Variants in GALNT17 observed in about 807,000 individuals in gnomAD.
GALNT17 encodes the protein polypeptide N-acetylgalactosaminyltransferase 17, also known as UDP-GalNAc:polypeptide N-acetylgalactosaminyltransferase-like 3.
Under a neutral mutation model 63.7 loss-of-function variants are expected in GALNT17, and 29 were observed. That is an observed-to-expected ratio of 0.46 (90% CI 0.34 to 0.62). GALNT17 has a LOEUF of 0.62. Ranked by LOEUF, GALNT17 falls within the 20% of genes least tolerant of loss-of-function variation. The pLI, the probability that GALNT17 is intolerant of heterozygous loss-of-function variation, is 0.01. For synonymous variants in GALNT17, 305 were observed against 318.3 expected (o/e 0.96, Z 0.45); for missense variants, 603 against 799.6 (o/e 0.75, Z 2.97).
At chr7:71,383,610 T>A (rs1365532892) in intron 2 of GALNT17, among the ~76,000 whole-genome samples, 1 of 152,062 alleles carries the variant, frequency 6.6e-6, no homozygotes, top group Non-Finnish European at 1.5e-5. Flanking sequence ...GGCTAATTTT[T>A]ACTTTCAGAG....
chr7:71,694,758 G>A (rs2117101766), intron 9 of GALNT17, among the ~76,000 whole-genome samples: 1 of 152,298 alleles, frequency 6.6e-6, no homozygotes, highest in South Asian at 2.1e-4. Flanking sequence ...TTGGCCCAGG[G>A]CCATAAAATC....
At chr7:71,278,686 G>A (rs1790725265) in intron 1 of GALNT17, among the ~76,000 whole-genome samples, 1 of 150,906 alleles carries the variant, frequency 6.6e-6, no homozygotes, top group Non-Finnish European at 1.5e-5. Flanking sequence ...TGGCAGGAAG[G>A]AGAAGTGCTG....
chr7:71,327,067 T>G (rs1006837973), intron 1 of GALNT17, among the ~76,000 whole-genome samples: 2 of 152,242 alleles, frequency 1.3e-5, no homozygotes, highest in Non-Finnish European at 2.9e-5. Context: ...TAATCTCTAT[T>G]CATCCATCTA....
Position 71,669,071 on chromosome 7 carries a change from C to T in GALNT17, c.1267-901C>T, listed in dbSNP as rs577485513. ...AAGAGCAGAAACTGAGAATGTAGGT[C>T]GTCAACATCAGCGTGTCCCAGAAAT... On this transcript the variant is annotated intron_variant, in intron 7 of 10. Transcript: ENST00000333538. 5.9e-5 allele frequency among the ~76,000 whole-genome samples: 9 copies of T among 152,244 alleles called. No individual in the cohort carries two copies. The East Asian group carries it at 1.7e-3, about 29-fold the overall frequency.
chr7:71,251,396 A>T (rs114294865), intron 1 of GALNT17, among the ~76,000 whole-genome samples: 13 of 152,320 alleles, frequency 8.5e-5, no homozygotes, highest in African/African-American at 3.1e-4. Context: ...GTGGGTCTGC[A>T]TCCATATTTC....
At chr7:71,263,694 C>A (rs963984555) in intron 1 of GALNT17, among the ~76,000 whole-genome samples, 6 of 152,002 alleles carry the variant, frequency 3.9e-5, no homozygotes, top group African/African-American at 1.4e-4. Context: ...GAGGCCAAGG[C>A]GGGCGGATCA....
intron 6 of GALNT17, among the ~76,000 whole-genome samples, chr7:71,651,827 T>G (rs1790758830): frequency 6.6e-6 from 1 of 152,160 alleles, no homozygotes; most frequent in African/African-American, 2.4e-5. Flanking sequence ...TCCTCCTACC[T>G]CAACCACCTG....
intron 6 of GALNT17, among the ~76,000 whole-genome samples, chr7:71,629,724 TC>T (rs1482200089): frequency 1.1e-4 from 16 of 152,106 alleles, no homozygotes; most frequent in South Asian, 6.2e-4. Context: ...CCTCAAGCAA[TC>T]CCCCTGCCTC....
At chr7:71,435,251 A>C (rs1283065453) in intron 5 of GALNT17, among the ~76,000 whole-genome samples, 4 of 152,098 alleles carry the variant, frequency 2.6e-5, no homozygotes, top group Admixed American at 2.0e-4. Flanking sequence ...AAAAGATCTA[A>C]CCTAAGTGAC....
chr7:71,152,504 AG>A (rs1024403159), intron 1 of GALNT17, among the ~76,000 whole-genome samples: 6 of 152,146 alleles, frequency 3.9e-5, no homozygotes, highest in Admixed American at 6.5e-5. Context: ...CCTCTCCCCT[AG>A]TTAGCATCAT....
chr7:71,696,248 G>A lies in GALNT17; in HGVS notation c.1501-14513G>A, dbSNP rs190962012. On this transcript the variant is annotated intron_variant, in intron 9 of 10. Coordinates refer to ENST00000333538, the MANE Select transcript of GALNT17 (RefSeq NM_022479.3). ...CTGCCTCAGCCTCCCGAGTAGCTGG[G>A]ACTACAAGCATGTGCCACCATGCCC... is the stretch of plus-strand genomic sequence containing the variant. Among the ~76,000 whole-genome samples, 10 of 150,482 alleles carry A rather than the reference G, an allele frequency of 6.6e-5. No individual in the cohort carries two copies. In the East Asian group the frequency reaches 1.8e-3, roughly 27 times the overall value.
intron 1 of GALNT17, among the ~76,000 whole-genome samples, chr7:71,215,936 C>T (rs747206600): frequency 8.6e-5 from 13 of 152,038 alleles, no homozygotes; most frequent in Non-Finnish European, 1.2e-4. Flanking sequence ...GAGAGATAAG[C>T]ACTTCCTCCC....
chr7:71,140,634 A>G (rs1787870405), intron 1 of GALNT17, among the ~76,000 whole-genome samples: 1 of 152,216 alleles, frequency 6.6e-6, no homozygotes, highest in East Asian at 1.9e-4. Context: ...ACTTAGAGCT[A>G]AGAGTGACCA....
intron 1 of GALNT17, among the ~76,000 whole-genome samples, chr7:71,278,899 T>C (rs1790729653): frequency 6.6e-6 from 1 of 151,760 alleles, no homozygotes; most frequent in Admixed American, 6.6e-5. Flanking sequence ...CCTCTGTGTA[T>C]CTCTTTTTCC....
chr7:71,367,062 C>G (rs528486793), intron 2 of GALNT17, among the ~76,000 whole-genome samples: 141 of 152,242 alleles, frequency 9.3e-4, no homozygotes, highest in African/African-American at 3.3e-3. Context: ...TATTGGTGAA[C>G]TATGTTGTTA....
intron 1 of GALNT17, among the ~76,000 whole-genome samples, chr7:71,321,907 C>G (rs1791617543): frequency 9.8e-6 from 1 of 101,874 alleles, no homozygotes; most frequent in Non-Finnish European, 2.0e-5. Flanking sequence ...TCCTTCCTTC[C>G]TTCCTTCCTT....
chr7:71,656,624 G>A (rs967010773), intron 6 of GALNT17, among the ~76,000 whole-genome samples: 1 of 152,114 alleles, frequency 6.6e-6, no homozygotes, highest in Non-Finnish European at 1.5e-5. Flanking sequence ...TGGTCCAGGT[G>A]GGAGATGGTC....
At chr7:71,497,618 AG>A (rs1195865757) in intron 5 of GALNT17, among the ~76,000 whole-genome samples, 1 of 152,250 alleles carries the variant, frequency 6.6e-6, no homozygotes, top group Non-Finnish European at 1.5e-5. Context: ...ATGTGGTTAC[AG>A]GGGACAGGAT....
intron 5 of GALNT17, among the ~76,000 whole-genome samples, chr7:71,542,169 G>C (rs1354893637): frequency 6.6e-6 from 1 of 152,136 alleles, no homozygotes; most frequent in Non-Finnish European, 1.5e-5. Context: ...GGCTTGCTTG[G>C]AGTTCAGAGA....
Sources: gnomAD v4.1 joint callset for allele counts (sites outside exome capture counted in the v4.1 genomes callset) on GRCh38, gnomAD v4.1.1 for gene constraint, MANE v1.5 for transcripts, NCBI Gene and HGNC (gene_info 2026-07-23, HGNC 2026-07-21) for gene names.